Variants in NRF1 observed in about 807,000 individuals in gnomAD.
The protein encoded by NRF1 is nuclear respiratory factor 1.
Under a neutral mutation model 58.5 loss-of-function variants are expected in NRF1, and 5 were observed. The observed-to-expected ratio is 0.09, with a 90% confidence interval of 0.04 to 0.18. The LOEUF is 0.18. Ranked by LOEUF, NRF1 falls within the 10% of genes least tolerant of loss-of-function variation. The pLI is 1.00. For missense variants in NRF1, 288 were observed against 657.7 expected (o/e 0.44, Z 6.15); for synonymous variants, 224 against 246.7 (o/e 0.91, Z 0.86).
At position 129,757,027 on chromosome 7, in the gene NRF1, C is replaced by T. The variant is rs1804277043; in HGVS notation, c.*1846C>T. 2.6e-5 allele frequency: 4 copies of T among 152,532 alleles called. No homozygotes were observed. The highest frequency in any genetic ancestry group is 2.6e-4 in the Admixed American group (4 of 15,266). 9.4% of individuals were successfully genotyped at this position (152,532 alleles called of 1,614,324 possible). ...CAGAGCATGGATTCTGTGTTGTTTC[C>T]CATTCTGTCTTTGACTGCCTCATTC... On this transcript the variant is annotated 3_prime_UTR_variant, in exon 11 of 11. Transcript: ENST00000393232.
intron 1 of NRF1, among the ~76,000 whole-genome samples, chr7:129,632,857 A>G (rs1175191298): frequency 6.6e-6 from 1 of 152,190 alleles, no homozygotes; most frequent in Non-Finnish European, 1.5e-5. Flanking sequence ...GATGATAAAA[A>G]TTTGTAGCCC....
At chr7:129,721,648 A>AT (rs1248143815) in intron 9 of NRF1, among the ~76,000 whole-genome samples, 1 of 151,582 alleles carries the variant, frequency 6.6e-6, no homozygotes, top group Non-Finnish European at 1.5e-5. Context: ...CGCCCAGCTA[A>AT]TTTTTTATAT....
chr7:129,668,798 G>T (rs957863216), intron 2 of NRF1, among the ~76,000 whole-genome samples: 3 of 152,118 alleles, frequency 2.0e-5, no homozygotes, highest in Admixed American at 6.5e-5. Context: ...TCTAGAATAG[G>T]CAAAACTCTA....
At chr7:129,676,980 A>C (rs1327811541) in intron 3 of NRF1, among the ~76,000 whole-genome samples, 1 of 150,672 alleles carries the variant, frequency 6.6e-6, no homozygotes, top group Non-Finnish European at 1.5e-5. Context: ...TGATATAATA[A>C]ATTCTGTAAG....
intron 5 of NRF1, among the ~76,000 whole-genome samples, chr7:129,699,017 TG>T (rs1009595477): frequency 3.0e-4 from 46 of 152,324 alleles, no homozygotes; most frequent in African/African-American, 1.0e-3. Context: ...GCGGTATTAT[TG>T]ATTAAAATCC....
At chr7:129,662,909 G>C (rs926062554) in intron 2 of NRF1, among the ~76,000 whole-genome samples, 2 of 152,134 alleles carry the variant, frequency 1.3e-5, no homozygotes, top group Admixed American at 6.5e-5. Context: ...TGCGGCCTTC[G>C]GCCCTGTTTG....
chr7:129,657,757 G>C (rs955370244), intron 2 of NRF1, among the ~76,000 whole-genome samples, 183 bp downstream of exon 2: 2 of 151,990 alleles, frequency 1.3e-5, no homozygotes, highest in African/African-American at 2.4e-5. Flanking sequence ...CTGCTGATGT[G>C]TACCACCACA....
intron 1 of NRF1, among the ~76,000 whole-genome samples, chr7:129,650,297 C>T (rs1562959631): frequency 6.6e-6 from 1 of 151,472 alleles, no homozygotes; most frequent in Non-Finnish European, 1.5e-5. Context: ...CCGGCGCTTT[C>T]GTCTTACTTT....
chr7:129,736,596 A>T (rs556546000), intron 10 of NRF1, among the ~76,000 whole-genome samples: 10 of 151,622 alleles, frequency 6.6e-5, no homozygotes, highest in Non-Finnish European at 1.0e-4. Context: ...GAAATTCTAT[A>T]CAAAGGTATT....
intron 1 of NRF1, among the ~76,000 whole-genome samples, chr7:129,625,978 A>G (rs867127683): frequency 4.2e-4 from 64 of 151,852 alleles, no homozygotes; most frequent in African/African-American, 6.0e-4. Context: ...CACCACACCC[A>G]GCCCCATGTT....
chr7:129,648,846 A>G (rs1225126048), intron 1 of NRF1, among the ~76,000 whole-genome samples: 1 of 148,494 alleles, frequency 6.7e-6, no homozygotes, highest in African/African-American at 2.5e-5. Flanking sequence ...GTTTTGTATT[A>G]TATTTCATTT....
chr7:129,627,136 G>T (rs1800937369), intron 1 of NRF1, among the ~76,000 whole-genome samples: 1 of 152,214 alleles, frequency 6.6e-6, no homozygotes, highest in African/African-American at 2.4e-5. Context: ...AGCAGAAATT[G>T]TGTGTTTGTG....
intron 5 of NRF1, among the ~76,000 whole-genome samples, chr7:129,707,532 A>G (rs1419958828): frequency 2.0e-5 from 3 of 152,146 alleles, no homozygotes; most frequent in East Asian, 3.8e-4. Flanking sequence ...TGCTCTATGT[A>G]TTTGAGCCTA....
At chr7:129,745,181 G>T (rs1022999091) in intron 10 of NRF1, among the ~76,000 whole-genome samples, 1 of 152,018 alleles carries the variant, frequency 6.6e-6, no homozygotes, top group African/African-American at 2.4e-5. Context: ...TAAAATATTG[G>T]TGCACTCTGC....
chr7:129,653,537 A>T (rs1038356038), intron 1 of NRF1, among the ~76,000 whole-genome samples: 1 of 152,198 alleles, frequency 6.6e-6, no homozygotes, highest in Non-Finnish European at 1.5e-5. Flanking sequence ...CCCTCATGGT[A>T]TTGTACATTC....
rs576818205 is a variant in NRF1, at chr7:129,673,533, T to TCCTGGCTAACAC, written c.338+1990_338+1991insCCTGGCTAACAC. 4.3e-4 allele frequency among the ~76,000 whole-genome samples: 65 copies of TCCTGGCTAACAC among 150,472 alleles called. No individual in the cohort carries two copies. The South Asian group carries it at 0.01, about 23-fold the overall frequency. On this transcript the variant is annotated intron_variant, in intron 3 of 10. Coordinates refer to ENST00000393232, the MANE Select transcript of NRF1 (RefSeq NM_005011.5). ...TCACGAGGTCAGGAGATCGAGACCA[T>TCCTGGCTAACAC]GGTGAAACCTCGTCTCTACTAAAAA...
At chr7:129,612,082 C>G (rs1800544134) in intron 1 of NRF1, among the ~76,000 whole-genome samples, 1 of 150,216 alleles carries the variant, frequency 6.7e-6, no homozygotes, top group Non-Finnish European at 1.5e-5. Context: ...GCTGCCCTCC[C>G]GAGAGCCCCA....
Position 129,727,243 on chromosome 7 carries a change from A to T in NRF1, c.1226A>T (p.Glu409Val). ...GATVTMALNS[E>V]AAAHAVATLA... ...CTCTCCTGTTCCTGTGCCCGCAGCGAAGCTGCCGCCCATGCTGTCGCCACC... is the reference window on the plus strand; with the variant it reads ...CTCTCCTGTTCCTGTGCCCGCAGCGTAGCTGCCGCCCATGCTGTCGCCACC... Residue 409 changes from glutamate (E) to valine (V), a missense_variant and splice_region_variant, in exon 10 of 11, where the codon GAA becomes GTA. By Grantham distance (121) the Glu-to-Val change is moderately radical. Coordinates refer to ENST00000393232, the MANE Select transcript of NRF1 (RefSeq NM_005011.5). 6.3e-7 allele frequency: 1 copy of T among 1,590,970 alleles called. No individual in the cohort carries two copies.
At chr7:129,673,673 C>T (rs1215261829) in intron 3 of NRF1, among the ~76,000 whole-genome samples, 5 of 142,532 alleles carry the variant, frequency 3.5e-5, no homozygotes, top group African/African-American at 5.2e-5. Context: ...GCGGAGATCG[C>T]GCCACAGCAC....
Sources: allele counts gnomAD v4.1 joint callset (sites outside exome capture counted in the v4.1 genomes callset), GRCh38; gene constraint gnomAD v4.1.1; transcripts MANE v1.5; gene names NCBI Gene and HGNC (gene_info 2026-07-23, HGNC 2026-07-21).